The following CBFA2T2 variants were observed in gnomAD, a reference collection of about 807,000 sequenced individuals.
The protein encoded by CBFA2T2 is protein CBFA2T2.
CBFA2T2 carries 11 observed loss-of-function variants against 62.2 expected under a neutral mutation model. The ratio of observed to expected loss-of-function variants is 0.18; its 90% confidence interval spans 0.11 to 0.29. The LOEUF is 0.29. Among genes scored for constraint, CBFA2T2 ranks in the 10% least tolerant of loss-of-function variants. The pLI, the probability that CBFA2T2 is intolerant of heterozygous loss-of-function variation, is 1.00. For synonymous variants in CBFA2T2, 295 were observed against 287.5 expected (o/e 1.03, Z -0.27); for missense variants, 592 against 774.1 (o/e 0.76, Z 2.79).
intron 1 of CBFA2T2, among the ~76,000 whole-genome samples, chr20:33,533,171 G>A (rs1011016296): frequency 1.3e-5 from 2 of 152,002 alleles, no homozygotes; most frequent in African/African-American, 4.8e-5. Flanking sequence ...TATGTAAAGT[G>A]TACAGTTTGC....
intron 1 of CBFA2T2, among the ~76,000 whole-genome samples, chr20:33,591,705 G>A (rs1318467698): frequency 6.6e-6 from 1 of 152,126 alleles, no homozygotes; most frequent in Non-Finnish European, 1.5e-5. Flanking sequence ...AAAGTTAATA[G>A]CACATTAAAG....
chr20:33,562,566 G>A (rs1162386607), intron 1 of CBFA2T2: 6 of 985,740 alleles, frequency 6.1e-6, no homozygotes, highest in Non-Finnish European at 6.0e-6. Context: ...GCTGGTCTCC[G>A]ATTGAGCTTT....
intron 1 of CBFA2T2, among the ~76,000 whole-genome samples, chr20:33,529,121 G>A (rs1434919691): frequency 6.6e-6 from 1 of 152,072 alleles, no homozygotes; most frequent in Non-Finnish European, 1.5e-5. Context: ...CGCCTACCGG[G>A]TTTACGCCAT....
intron 1 of CBFA2T2, 77 bp from the exon 2 acceptor site, chr20:33,606,879 T>A: frequency 7.1e-7 from 1 of 1,400,594 alleles, no homozygotes; most frequent in South Asian, 1.2e-5. Flanking sequence ...TAGGGAAGTA[T>A]GTTGGTATTT....
At chr20:33,579,836 C>T (rs1284236997) in intron 1 of CBFA2T2, among the ~76,000 whole-genome samples, 2 of 143,236 alleles carry the variant, frequency 1.4e-5, no homozygotes, top group African/African-American at 2.6e-5. Flanking sequence ...TTTTTTGAGA[C>T]GGAGTTTCTC....
At chr20:33,581,584 A>G (rs1032625432) in intron 1 of CBFA2T2, among the ~76,000 whole-genome samples, 8 of 152,190 alleles carry the variant, frequency 5.3e-5, no homozygotes, top group Admixed American at 3.9e-4. Context: ...TTTAAAACTC[A>G]CATTTGGCAA....
chr20:33,649,009 T>C lies in CBFA2T2; in HGVS notation c.*4363T>C, dbSNP rs1480099584. On this transcript the variant is annotated 3_prime_UTR_variant, in exon 11 of 11. Coordinates refer to ENST00000342704, the MANE Select transcript of CBFA2T2 (RefSeq NM_001032999.3). ...TTGTACGGTAGTGAGCTCTTCAAAA[T>C]GAAAACAGAATGACCGGATGGCCAT... is the stretch of plus-strand genomic sequence containing the variant. 1 of 152,122 alleles carries C rather than the reference T, an allele frequency of 6.6e-6. No individual in the cohort carries two copies. Among genetic ancestry groups the C allele is most frequent in the East Asian group, 1.9e-4 (1 of 5,184 alleles). 9.4% of individuals were successfully genotyped at this position (152,122 alleles called of 1,614,324 possible). A position where few individuals can be genotyped will look rare whatever the true frequency, so the allele number is the denominator to read the frequency against.
At chr20:33,538,618 G>A (rs980068635) in intron 1 of CBFA2T2, among the ~76,000 whole-genome samples, 2 of 152,008 alleles carry the variant, frequency 1.3e-5, no homozygotes, top group Non-Finnish European at 2.9e-5. Context: ...CACCCACCTC[G>A]GCCTCCCAAA....
At chr20:33,545,393 A>G (rs937284952) in intron 1 of CBFA2T2, among the ~76,000 whole-genome samples, 4 of 150,878 alleles carry the variant, frequency 2.7e-5, no homozygotes, top group African/African-American at 9.9e-5. Flanking sequence ...TGTTAGTGGG[A>G]TTCCCAAATG....
chr20:33,538,385 T>C (rs920253862), intron 1 of CBFA2T2, among the ~76,000 whole-genome samples: 1 of 152,128 alleles, frequency 6.6e-6, no homozygotes, highest in Non-Finnish European at 1.5e-5. Context: ...TTTCCTTTTT[T>C]TTTTGAGATG....
chr20:33,561,352 GGTGTGA>G (rs1286287609), intron 1 of CBFA2T2, among the ~76,000 whole-genome samples: 1 of 152,104 alleles, frequency 6.6e-6, no homozygotes, highest in Non-Finnish European at 1.5e-5. Flanking sequence ...TGGGATTACA[GGTGTGA>G]GTCACTGCAC....
Position 33,623,107 on chromosome 20 carries a change from C to T in CBFA2T2, c.511-8C>T, listed in dbSNP as rs897070628. 3 of 1,614,060 alleles carry T rather than the reference C, an allele frequency of 1.9e-6. No individual in the cohort carries two copies. Among genetic ancestry groups the T allele is most frequent in the Non-Finnish European group, 1.7e-6 (2 of 1,180,012 alleles). Reference sequence around the variant, plus strand: ...CTAACACTGGAAAAACTGCCTCTTCCTTTCAAGGCCAACCTGCCCCTGCTG... The same window carrying T: ...CTAACACTGGAAAAACTGCCTCTTCTTTTCAAGGCCAACCTGCCCCTGCTG... On this transcript the variant is annotated splice_region_variant and splice_polypyrimidine_tract_variant and intron_variant, in intron 4 of 10. Coordinates refer to ENST00000342704, the MANE Select transcript of CBFA2T2 (RefSeq NM_001032999.3).
At chr20:33,602,437 TA>T (rs199791529) in intron 1 of CBFA2T2, among the ~76,000 whole-genome samples, 14,776 of 132,296 alleles carry the variant, frequency 0.11, 1,943 homozygotes, top group African/African-American at 0.31. Flanking sequence ...AGTCTCTGAT[TA>T]AAAAAAAAAA....
intron 3 of CBFA2T2, among the ~76,000 whole-genome samples, chr20:33,619,124 C>G (rs1363155270): frequency 6.6e-6 from 1 of 152,118 alleles, no homozygotes. Context: ...CCTGTAATCC[C>G]AACACTTTGG....
chr20:33,595,864 T>G (rs2014864044), intron 1 of CBFA2T2, among the ~76,000 whole-genome samples: 1 of 152,162 alleles, frequency 6.6e-6, no homozygotes, highest in Non-Finnish European at 1.5e-5. Flanking sequence ...ATCTGTTACT[T>G]TATTTGCCTT....
At chr20:33,577,302 G>A (rs2013877086) in intron 1 of CBFA2T2, among the ~76,000 whole-genome samples, 1 of 152,042 alleles carries the variant, frequency 6.6e-6, no homozygotes, top group African/African-American at 2.4e-5. Flanking sequence ...TTTTGAGGAG[G>A]TATACCAAGA....
At chr20:33,523,075 C>T (rs150773615) in intron 1 of CBFA2T2, among the ~76,000 whole-genome samples, 211 of 152,196 alleles carry the variant, frequency 1.4e-3, no homozygotes, top group African/African-American at 4.8e-3. Context: ...GCAAATTTAC[C>T]TTAGCCATGG....
chr20:33,548,307 G>A (rs979413159), intron 1 of CBFA2T2, among the ~76,000 whole-genome samples: 1 of 150,936 alleles, frequency 6.6e-6, no homozygotes, highest in Non-Finnish European at 1.5e-5. Context: ...TTGCAGTCAC[G>A]CAATCGGCTC....
chr20:33,550,115 G>A (rs1024755074), intron 1 of CBFA2T2, among the ~76,000 whole-genome samples: 9 of 151,942 alleles, frequency 5.9e-5, no homozygotes, highest in African/African-American at 1.9e-4. Context: ...ATGTAATAAC[G>A]TTCTACATTG....
Sources: gnomAD v4.1 joint callset for allele counts (sites outside exome capture counted in the v4.1 genomes callset) on GRCh38, gnomAD v4.1.1 for gene constraint, MANE v1.5 for transcripts, NCBI Gene and HGNC (gene_info 2026-07-23, HGNC 2026-07-21) for gene names.